The following EPG5 variants were observed in gnomAD, a reference collection of about 807,000 sequenced individuals.
EPG5 encodes the protein ectopic P granules protein 5 homolog.
Under a neutral mutation model 302.7 loss-of-function variants are expected in EPG5, and 159 were observed. The ratio of observed to expected loss-of-function variants is 0.53; its 90% CI spans 0.46 to 0.60. The LOEUF (loss-of-function observed/expected upper bound fraction) is 0.60. Among genes scored for constraint, EPG5 ranks in the 20% least tolerant of loss-of-function variants. The pLI, the probability that EPG5 is intolerant of heterozygous loss-of-function variation, is 0.00. For missense variants in EPG5, 2,896 were observed against 3,092.4 expected, an observed-to-expected ratio of 0.94 and a Z score of 1.51; for synonymous variants, 1,158 against 1,136.8, an observed-to-expected ratio of 1.02 and a Z score of -0.37.
chr18:45,830,221 A>G, the EPG5 span, among the ~76,000 whole-genome samples: 7 of 152,314 alleles, frequency 4.6e-5, no homozygotes, highest in Admixed American at 3.9e-4. Context: ...GGCAAAACCA[A>G]GGTTTCTGTT....
Position 45,915,631 on chromosome 18 carries a change from G to A in EPG5, c.3583-10C>T, listed in dbSNP as rs1354144750. On this transcript the variant is annotated splice_polypyrimidine_tract_variant and intron_variant, in intron 19 of 43. Transcript: ENST00000282041. ...GGTAACCCAAGGCATTCTACACCGG[G>A]AGATGTGGAGCAGAGAGAGGAGGTT... 3.7e-6 allele frequency: 6 copies of A among 1,601,524 alleles called. No individual in the cohort carries two copies. The highest frequency in any genetic ancestry group is 4.5e-5 in the East Asian group (2 of 44,822).
chr18:45,858,972 G>C (rs1348199015), intron 40 of EPG5, among the ~76,000 whole-genome samples, 190 bp from the exon 41 acceptor site: 2 of 152,030 alleles, frequency 1.3e-5, no homozygotes, highest in East Asian at 1.9e-4. Context: ...ATATACCTCA[G>C]GGCTCAGACT....
intron 24 of EPG5, among the ~76,000 whole-genome samples, chr18:45,906,779 T>G (rs2049761689): frequency 6.6e-6 from 1 of 152,090 alleles, no homozygotes; most frequent in Non-Finnish European, 1.5e-5. Context: ...CTCAGCCTCC[T>G]GAGTCGATGG....
intron 2 of EPG5, among the ~76,000 whole-genome samples, chr18:45,954,168 T>C (rs2050972327): frequency 6.6e-6 from 1 of 152,234 alleles, no homozygotes; most frequent in African/African-American, 2.4e-5. Flanking sequence ...CTGTCCCATC[T>C]AAACCAGGCA....
At chr18:45,939,507 AT>A in intron 10 of EPG5, 92 bp downstream of exon 10, 2 of 1,232,458 alleles carry the variant, frequency 1.6e-6, no homozygotes, top group Non-Finnish European at 2.3e-6. Context: ...CTAAGAAACT[AT>A]TATAAAAGAC....
At chr18:45,816,522 A>G in the EPG5 span, among the ~76,000 whole-genome samples, 1 of 152,214 alleles carries the variant, frequency 6.6e-6, no homozygotes, top group Non-Finnish European at 1.5e-5. Context: ...AAAAAACATG[A>G]AAAAATGCTC....
chr18:45,902,523 T>C (rs966615829), intron 25 of EPG5, among the ~76,000 whole-genome samples: 3 of 152,202 alleles, frequency 2.0e-5, no homozygotes, highest in Non-Finnish European at 2.9e-5. Flanking sequence ...TATTTAACAG[T>C]AATCACCACT....
At chr18:45,886,588 G>A (rs1317147475) in intron 29 of EPG5, among the ~76,000 whole-genome samples, 2 of 152,160 alleles carry the variant, frequency 1.3e-5, no homozygotes, top group African/African-American at 4.8e-5. Flanking sequence ...AGTATTTCTA[G>A]GTAGTTAGGA....
the EPG5 span, among the ~76,000 whole-genome samples, chr18:45,840,506 C>A: frequency 6.6e-6 from 1 of 152,184 alleles, no homozygotes. Context: ...CCTCCACATT[C>A]TTGAACAGGC....
intron 1 of EPG5, among the ~76,000 whole-genome samples, chr18:45,961,595 T>A (rs1177187683): frequency 1.3e-5 from 2 of 152,168 alleles, no homozygotes; most frequent in Admixed American, 6.6e-5. Context: ...GCATGGTGGC[T>A]CAAGCCTGTA....
At chr18:45,815,876 C>T in the EPG5 span, among the ~76,000 whole-genome samples, 1 of 152,130 alleles carries the variant, frequency 6.6e-6, no homozygotes, top group Admixed American at 6.6e-5. Context: ...ATCACATTAC[C>T]TGATTTCAAA....
intron 6 of EPG5, among the ~76,000 whole-genome samples, chr18:45,947,364 G>C (rs1277015470): frequency 6.6e-6 from 1 of 152,094 alleles, no homozygotes; most frequent in East Asian, 1.9e-4. Flanking sequence ...AGTGAGCTGA[G>C]ATCGTTCCAC....
the EPG5 span, chr18:45,842,322 G>A: frequency 1.2e-6 from 1 of 829,838 alleles, no homozygotes. Context: ...CCCTGCTCAA[G>A]GTCAAGACCC....
the EPG5 span, among the ~76,000 whole-genome samples, chr18:45,804,544 G>A: frequency 6.6e-6 from 1 of 152,138 alleles, no homozygotes; most frequent in East Asian, 1.9e-4. Flanking sequence ...ACACAGAGGA[G>A]AATAATGAGT....
the EPG5 span, chr18:45,837,142 C>T: frequency 6.2e-7 from 1 of 1,602,800 alleles, no homozygotes; most frequent in Non-Finnish European, 8.5e-7. Context: ...TCTGTTTTAA[C>T]CACGAGATCC....
intron 1 of EPG5, among the ~76,000 whole-genome samples, chr18:45,962,475 G>A (rs1466347544): frequency 6.6e-6 from 1 of 152,190 alleles, no homozygotes; most frequent in African/African-American, 2.4e-5. Flanking sequence ...AAATTATCAA[G>A]ATCAATGAAG....
chr18:45,833,713 G>C, the EPG5 span, among the ~76,000 whole-genome samples: 7 of 152,152 alleles, frequency 4.6e-5, no homozygotes, highest in Non-Finnish European at 1.0e-4. Flanking sequence ...GTTTACTGCT[G>C]TCATTATTGT....
At chr18:45,842,045 T>C in the EPG5 span, 10 of 1,490,040 alleles carry the variant, frequency 6.7e-6, no homozygotes, top group Admixed American at 1.7e-5. Flanking sequence ...TGGCATATAG[T>C]TTGGGCAGTT....
chr18:45,874,338 G>A (rs769742208), intron 35 of EPG5, among the ~76,000 whole-genome samples: 12 of 151,160 alleles, frequency 7.9e-5, no homozygotes, highest in East Asian at 3.9e-4. Flanking sequence ...AATAAAGTCC[G>A]TTAAACAAAA....
Sources: allele counts gnomAD v4.1 joint callset (sites outside exome capture counted in the v4.1 genomes callset), GRCh38; gene constraint gnomAD v4.1.1; transcripts MANE v1.5; gene names NCBI Gene and HGNC (gene_info 2026-07-23, HGNC 2026-07-21).